Variants in SLC35F1 observed in about 807,000 individuals in gnomAD.
SLC35F1 encodes solute carrier family 35 member F1.
SLC35F1 carries 14 observed loss-of-function variants against 48.7 expected under a neutral mutation model. The ratio of observed to expected loss-of-function variants is 0.29; its 90% CI spans 0.19 to 0.45. The LOEUF (loss-of-function observed/expected upper bound fraction) is 0.45, where lower values mean the gene tolerates loss of function less well. SLC35F1 is among the 20% of genes least tolerant of loss of function. The pLI, the probability that SLC35F1 is intolerant of heterozygous loss-of-function variation, is 1.00. For missense variants in SLC35F1, 404 were observed against 500.0 expected (o/e 0.81, Z 1.83); for synonymous variants, 190 against 202.2 (o/e 0.94, Z 0.51).
intron 1 of SLC35F1, among the ~76,000 whole-genome samples, chr6:118,151,606 C>T (rs1410110824): frequency 3.3e-5 from 5 of 152,136 alleles, no homozygotes. Flanking sequence ...GCCTTGACCT[C>T]CCAAGCCCAA....
intron 1 of SLC35F1, among the ~76,000 whole-genome samples, chr6:118,108,284 A>T (rs923463663): frequency 2.0e-5 from 3 of 152,184 alleles, no homozygotes; most frequent in African/African-American, 7.2e-5. Context: ...TCTATAATTA[A>T]GTGTGAGGTG....
intron 1 of SLC35F1, among the ~76,000 whole-genome samples, chr6:118,107,541 G>C (rs1032697570): frequency 3.9e-5 from 6 of 152,102 alleles, no homozygotes; most frequent in Admixed American, 3.3e-4. Flanking sequence ...CTAGAAAAAT[G>C]AACACTTAGC....
chr6:117,999,084 C>G, intron 1 of SLC35F1: 1 of 1,540,366 alleles, frequency 6.5e-7, no homozygotes, highest in Middle Eastern at 1.7e-4. Flanking sequence ...GGGGTGGACC[C>G]CAAGTTCCTG....
At chr6:118,256,496 T>G (rs1186881449) in intron 3 of SLC35F1, among the ~76,000 whole-genome samples, 1 of 152,092 alleles carries the variant, frequency 6.6e-6, no homozygotes, top group African/African-American at 2.4e-5. Flanking sequence ...GGAGCATTAA[T>G]GAGGATCTGA....
intron 2 of SLC35F1, among the ~76,000 whole-genome samples, chr6:118,225,531 G>A (rs960606040): frequency 6.6e-6 from 1 of 152,138 alleles, no homozygotes; most frequent in Non-Finnish European, 1.5e-5. Flanking sequence ...CTGAAACTAT[G>A]AAAGCACTAG....
chr6:118,010,575 A>G lies in SLC35F1; in HGVS notation c.173+102676A>G, dbSNP rs531162858. Among the ~76,000 whole-genome samples the G allele has an allele frequency of 2.0e-3, 309 of 152,290 alleles. 1 individual carries two copies. Among genetic ancestry groups the G allele is most frequent in the South Asian group, 2.3e-3 (11 of 4,822 alleles). The stretch of plus-strand genomic sequence containing the variant: ...AATGCCAGAAAATATTAACACATAC[A>G]AAAAATGTTAACACGTACAAAAGGT... On this transcript the variant is annotated intron_variant, in intron 1 of 7. Transcript: ENST00000360388.
chr6:117,967,298 A>G (rs1417662713), intron 1 of SLC35F1, among the ~76,000 whole-genome samples: 3 of 152,236 alleles, frequency 2.0e-5, no homozygotes, highest in Non-Finnish European at 2.9e-5. Flanking sequence ...TATCAAAAAT[A>G]CATTTTGAAA....
chr6:117,938,587 G>C (rs986157417), intron 1 of SLC35F1, among the ~76,000 whole-genome samples: 2 of 152,172 alleles, frequency 1.3e-5, no homozygotes, highest in African/African-American at 4.8e-5. Context: ...AGTCACTAAG[G>C]CTCCTGAGAA....
chr6:117,998,575 C>T (rs1042282702), intron 1 of SLC35F1, among the ~76,000 whole-genome samples: 1 of 152,122 alleles, frequency 6.6e-6, no homozygotes, highest in Non-Finnish European at 1.5e-5. Context: ...AACAAACTAT[C>T]TCTCAGACCA....
chr6:118,311,460 A>G (rs1776370718), intron 7 of SLC35F1, among the ~76,000 whole-genome samples: 1 of 152,190 alleles, frequency 6.6e-6, no homozygotes, highest in Admixed American at 6.5e-5. Context: ...CATTGGTCAG[A>G]CAAAACACAA....
At chr6:117,955,088 CT>C (rs1263085584) in intron 1 of SLC35F1, among the ~76,000 whole-genome samples, 5 of 152,150 alleles carry the variant, frequency 3.3e-5, no homozygotes, top group African/African-American at 9.6e-5. Flanking sequence ...TGGGTAAGTT[CT>C]TTTTTATAGT....
At chr6:117,984,886 G>A (rs1312944832) in intron 1 of SLC35F1, among the ~76,000 whole-genome samples, 1 of 152,184 alleles carries the variant, frequency 6.6e-6, no homozygotes, top group Non-Finnish European at 1.5e-5. Context: ...CATGTCTGAT[G>A]TGGAAGCGCT....
In SLC35F1 at chr6:118,314,564, C is replaced by CTGT. The variant is rs1303943359; in HGVS notation, c.*314_*316dup. ...ATTATGATTTGTATTATTATTATTG[C>CTGT]TGTTACTGTTATTACACCAACTTTC... is the stretch of plus-strand genomic sequence containing the variant. On this transcript the variant is annotated 3_prime_UTR_variant, in exon 8 of 8. Coordinates refer to ENST00000360388, the MANE Select transcript of SLC35F1 (RefSeq NM_001029858.4). The CTGT allele has an allele frequency of 3.2e-6, 1 of 313,300 alleles. No individual in the cohort carries two copies. Among genetic ancestry groups the CTGT allele is most frequent in the African/African-American group, 2.1e-5 (1 of 48,566 alleles). The allele number at this position is 313,300 out of a possible 1,614,324, so 19.4% of individuals were successfully genotyped here.
chr6:118,078,218 CA>C (rs1467993176), intron 1 of SLC35F1, among the ~76,000 whole-genome samples: 1 of 151,996 alleles, frequency 6.6e-6, no homozygotes, highest in South Asian at 2.1e-4. Flanking sequence ...TAACGTAAGG[CA>C]AAAAGTACGT....
intron 2 of SLC35F1, among the ~76,000 whole-genome samples, chr6:118,227,578 A>AT: frequency 6.6e-6 from 1 of 152,292 alleles, no homozygotes; most frequent in South Asian, 2.1e-4. Context: ...TGCAATGATG[A>AT]TTCATTGTAT....
intron 1 of SLC35F1, among the ~76,000 whole-genome samples, chr6:117,934,408 A>G (rs1260757063): frequency 1.3e-5 from 2 of 152,226 alleles, no homozygotes; most frequent in Admixed American, 1.3e-4. Context: ...GGGGAGATAC[A>G]TTATGATAAG....
intron 1 of SLC35F1, among the ~76,000 whole-genome samples, chr6:117,962,645 C>T (rs1336690032): frequency 6.6e-6 from 1 of 152,134 alleles, no homozygotes; most frequent in Non-Finnish European, 1.5e-5. Context: ...CCCACCACTC[C>T]TCTCCTACTG....
At chr6:118,050,344 A>T (rs1006573925) in intron 1 of SLC35F1, among the ~76,000 whole-genome samples, 2 of 151,102 alleles carry the variant, frequency 1.3e-5, no homozygotes, top group African/African-American at 4.9e-5. Flanking sequence ...GTGCGCATGT[A>T]CCCTAAAACT....
intron 2 of SLC35F1, among the ~76,000 whole-genome samples, chr6:118,231,655 G>C (rs934117865): frequency 2.0e-5 from 3 of 152,160 alleles, no homozygotes; most frequent in African/African-American, 7.2e-5. Flanking sequence ...AGGGTGTTTT[G>C]CACTGCAAAC....
Sources: gnomAD v4.1 joint callset for allele counts (sites outside exome capture counted in the v4.1 genomes callset) on GRCh38, gnomAD v4.1.1 for gene constraint, MANE v1.5 for transcripts, NCBI Gene and HGNC (gene_info 2026-07-23, HGNC 2026-07-21) for gene names.